The following NLRP5 variants were observed in gnomAD, a reference collection of about 807,000 sequenced individuals.
NLRP5 encodes NACHT, LRR and PYD domains-containing protein 5.
A neutral mutation model predicts 113.1 loss-of-function variants in NLRP5; 93 were observed. The observed-to-expected ratio is 0.82, with a 90% CI of 0.70 to 0.98. The LOEUF is 0.98. NLRP5 is among the 50% of genes least tolerant of loss of function. The pLI is 0.00. For synonymous variants in NLRP5, 751 were observed against 600.7 expected (o/e 1.25, Z -3.66); for missense variants, 1,808 against 1,514.3 (o/e 1.19, Z -3.22).
At chr19:56,036,451 C>T (rs1362004506) in intron 9 of NLRP5, among the ~76,000 whole-genome samples, 2 of 152,054 alleles carry the variant, frequency 1.3e-5, no homozygotes, top group African/African-American at 2.4e-5. Flanking sequence ...ATAAATGAAA[C>T]GAGATTGTTT....
chr19:56,015,865 A>G (rs747370415), intron 4 of NLRP5, 67 bp downstream of exon 4: 3 of 1,228,700 alleles, frequency 2.4e-6, no homozygotes, highest in Admixed American at 2.3e-5. Context: ...AAGTTCATGT[A>G]GTTCAAAGGA....
At chr19:56,051,577 C>CA (rs1323339419) in intron 12 of NLRP5, among the ~76,000 whole-genome samples, 1 of 150,706 alleles carries the variant, frequency 6.6e-6, no homozygotes, top group African/African-American at 2.4e-5. Flanking sequence ...ACCACCCCCC[C>CA]ATCATATCCA....
intron 11 of NLRP5, among the ~76,000 whole-genome samples, chr19:56,046,508 C>A (rs1192818438): frequency 6.6e-6 from 1 of 150,994 alleles, no homozygotes; most frequent in Non-Finnish European, 1.5e-5. Flanking sequence ...CTTTCTCTAT[C>A]TTGTGGAATA....
At chr19:56,040,445 A>T (rs1039941748) in intron 10 of NLRP5, among the ~76,000 whole-genome samples, 5 of 152,130 alleles carry the variant, frequency 3.3e-5, no homozygotes, top group Non-Finnish European at 7.4e-5. Flanking sequence ...GTGCATGCCT[A>T]TGATCCCAGC....
At chr19:55,994,661 G>A in the NLRP5 span, among the ~76,000 whole-genome samples, 1 of 152,216 alleles carries the variant, frequency 6.6e-6, no homozygotes, top group African/African-American at 2.4e-5. Flanking sequence ...CTCCCAAAGT[G>A]CTGGAGTTAC....
chr19:55,994,223 T>G, the NLRP5 span, among the ~76,000 whole-genome samples: 1 of 152,202 alleles, frequency 6.6e-6, no homozygotes, highest in Non-Finnish European at 1.5e-5. Context: ...TGTTGAATCT[T>G]TTTTCGTATC....
At chr19:55,988,789 G>A in the NLRP5 span, among the ~76,000 whole-genome samples, 2 of 152,056 alleles carry the variant, frequency 1.3e-5, no homozygotes, top group Non-Finnish European at 2.9e-5. Context: ...ATGACAGTCC[G>A]AAATTCGTTC....
chr19:56,055,214 ACTT>A (rs900926313), intron 13 of NLRP5, among the ~76,000 whole-genome samples: 28 of 151,118 alleles, frequency 1.9e-4, no homozygotes, highest in African/African-American at 6.6e-4. Context: ...CTGCTTTTAA[ACTT>A]CTGACCTCAA....
chr19:56,024,470 CGT>C (rs1982750438), intron 6 of NLRP5, among the ~76,000 whole-genome samples: 1 of 144,406 alleles, frequency 6.9e-6, no homozygotes, highest in African/African-American at 2.6e-5. Flanking sequence ...TACATATATA[CGT>C]GTGTATACGT....
At chr19:56,005,634 A>ACG (rs1981874474) in intron 2 of NLRP5, among the ~76,000 whole-genome samples, 1 of 144,144 alleles carries the variant, frequency 6.9e-6, no homozygotes, top group African/African-American at 2.6e-5. Flanking sequence ...ATACACACAC[A>ACG]CACACACACG....
intron 11 of NLRP5, among the ~76,000 whole-genome samples, chr19:56,045,074 CTT>C (rs751475256): frequency 3.5e-4 from 54 of 152,310 alleles, no homozygotes; most frequent in Middle Eastern, 6.8e-3. Context: ...TATCTGGACA[CTT>C]GAATTATTTT....
upstream of NLRP5, among the ~76,000 whole-genome samples, chr19:55,994,825 T>TA (rs1981274433): frequency 6.6e-6 from 1 of 152,220 alleles, no homozygotes; most frequent in African/African-American, 2.4e-5. Context: ...ATATTTGCCT[T>TA]GACTTGTATT....
At chr19:56,022,978 G>A (rs1028305374) in intron 6 of NLRP5, among the ~76,000 whole-genome samples, 4 of 152,092 alleles carry the variant, frequency 2.6e-5, no homozygotes, top group African/African-American at 9.6e-5. Flanking sequence ...CGCCTGCCTC[G>A]GCCTCCCAAA....
At chr19:56,023,368 C>T (rs80230574) in intron 6 of NLRP5, among the ~76,000 whole-genome samples, 310 of 152,312 alleles carry the variant, frequency 2.0e-3, no homozygotes, top group African/African-American at 6.8e-3. Context: ...GGTTTCAACA[C>T]GGCTCTGTTA....
intron 12 of NLRP5, among the ~76,000 whole-genome samples, chr19:56,052,683 C>A (rs1983976064): frequency 6.6e-6 from 1 of 152,204 alleles, no homozygotes; most frequent in South Asian, 2.1e-4. Flanking sequence ...GAGGCCGTTT[C>A]AGTCATTTCT....
At chr19:55,988,780 T>C in the NLRP5 span, among the ~76,000 whole-genome samples, 2 of 152,144 alleles carry the variant, frequency 1.3e-5, no homozygotes, top group African/African-American at 4.8e-5. Context: ...TGTTTAGATA[T>C]GACAGTCCGA....
rs146965416 is a variant in NLRP5 at position 56,035,221 on chromosome 19, A to AC, written c.2615+1513dup. The stretch of plus-strand genomic sequence containing the variant: ...TCCCAAATAAAGTATTCTGAGACAG[A>AC]CAAGTACAAGCCCTGCTTTGAGCTT... On this transcript the variant is annotated intron_variant, in intron 9 of 14. Transcript: ENST00000390649. Among the ~76,000 whole-genome samples, 338 of 152,310 alleles carry AC rather than the reference A, an allele frequency of 2.2e-3. 13 individuals are homozygous for AC. In the East Asian group the frequency reaches 0.061, roughly 28 times the overall value.
upstream of NLRP5, among the ~76,000 whole-genome samples, chr19:55,998,000 C>T (rs544468640): frequency 2.0e-5 from 3 of 152,240 alleles, no homozygotes; most frequent in African/African-American, 7.2e-5. Context: ...GTACTATCTA[C>T]TCTTATAAAT....
intron 1 of NLRP5, among the ~76,000 whole-genome samples, chr19:56,002,129 G>A (rs903946683): frequency 1.3e-5 from 2 of 152,182 alleles, no homozygotes; most frequent in African/African-American, 2.4e-5. Context: ...TGAGTTAGCA[G>A]GTAGGGATAG....
Sources: allele counts gnomAD v4.1 joint callset (sites outside exome capture counted in the v4.1 genomes callset), GRCh38; gene constraint gnomAD v4.1.1; transcripts MANE v1.5; gene names NCBI Gene and HGNC (gene_info 2026-07-23, HGNC 2026-07-21).